Variants in FSTL4 observed in about 807,000 individuals in gnomAD.
FSTL4 encodes the protein follistatin like 4.
In FSTL4, 28 loss-of-function variants were observed where a neutral mutation model predicts 78.2. The ratio of observed to expected loss-of-function variants is 0.36; its 90% confidence interval spans 0.27 to 0.49. The LOEUF is 0.49. Ranked by LOEUF, FSTL4 falls within the 20% of genes least tolerant of loss-of-function variation. FSTL4 has a pLI of 0.98. For missense variants in FSTL4, 922 were observed against 1,084.9 expected (o/e 0.85, Z 2.11); for synonymous variants, 422 against 440.5 (o/e 0.96, Z 0.53).
chr5:133,249,967 C>T (rs1329257998), intron 6 of FSTL4, among the ~76,000 whole-genome samples: 1 of 152,200 alleles, frequency 6.6e-6, no homozygotes, highest in African/African-American at 2.4e-5. Flanking sequence ...CTGGGCCTTG[C>T]TAAGTGCAGA....
At chr5:133,384,261 A>G (rs1162339873) in intron 4 of FSTL4, among the ~76,000 whole-genome samples, 2 of 152,202 alleles carry the variant, frequency 1.3e-5, no homozygotes, top group Admixed American at 1.3e-4. Context: ...ACAGGGTAGG[A>G]GAATCACACT....
intron 2 of FSTL4, among the ~76,000 whole-genome samples, chr5:133,578,098 G>A (rs1288041029): frequency 6.6e-6 from 1 of 152,072 alleles, no homozygotes; most frequent in African/African-American, 2.4e-5. Context: ...TTTAAAGGGA[G>A]GTTTATCAAG....
At chr5:133,389,985 G>T (rs552280376) in intron 4 of FSTL4, among the ~76,000 whole-genome samples, 15 of 152,222 alleles carry the variant, frequency 9.9e-5, no homozygotes, top group African/African-American at 2.9e-4. Context: ...GGAGGCAAAG[G>T]CTCAAAGAGG....
chr5:133,664,318 T>A, the FSTL4 span, among the ~76,000 whole-genome samples: 14 of 127,574 alleles, frequency 1.1e-4, no homozygotes, highest in African/African-American at 3.5e-4. Flanking sequence ...TTCTTTTTTT[T>A]TTAAAAAAAA....
the FSTL4 span, among the ~76,000 whole-genome samples, chr5:133,751,577 G>T: frequency 6.6e-6 from 1 of 152,172 alleles, no homozygotes; most frequent in African/African-American, 2.4e-5. Flanking sequence ...AGATTGCCAT[G>T]GCCAGTCATT....
chr5:133,760,691 T>C, the FSTL4 span, among the ~76,000 whole-genome samples: 1 of 152,234 alleles, frequency 6.6e-6, no homozygotes, highest in Admixed American at 6.5e-5. Context: ...GGCCACGCAG[T>C]TCCGCTGAGG....
At chr5:133,232,175 G>A (rs1055660808) in intron 8 of FSTL4, among the ~76,000 whole-genome samples, 1 of 152,146 alleles carries the variant, frequency 6.6e-6, no homozygotes, top group African/African-American at 2.4e-5. Flanking sequence ...GTCAGTGCTC[G>A]GGCCGCATCT....
the FSTL4 span, among the ~76,000 whole-genome samples, chr5:133,788,467 C>A: frequency 6.6e-6 from 1 of 152,328 alleles, no homozygotes; most frequent in African/African-American, 2.4e-5. Flanking sequence ...TGGCAAGTGC[C>A]GCTCACACCA....
intron 3 of FSTL4, among the ~76,000 whole-genome samples, chr5:133,564,724 A>T (rs565747349): frequency 2.6e-4 from 39 of 152,312 alleles, no homozygotes; most frequent in Middle Eastern, 3.4e-3. Context: ...GGAATAGTCT[A>T]AGGCCAGAGG....
chr5:133,235,027 A>C (rs140969364), intron 7 of FSTL4, among the ~76,000 whole-genome samples: 60 of 152,272 alleles, frequency 3.9e-4, no homozygotes, highest in Non-Finnish European at 4.9e-4. Context: ...TTCTGGTGGC[A>C]GGAGAGAAGG....
intron 3 of FSTL4, among the ~76,000 whole-genome samples, chr5:133,534,123 G>A (rs1759307095): frequency 6.6e-6 from 1 of 151,218 alleles, no homozygotes; most frequent in African/African-American, 2.4e-5. Context: ...CCCATCACCT[G>A]GAAAATAAAC....
At chr5:133,622,458 A>T in the FSTL4 span, among the ~76,000 whole-genome samples, 1 of 152,148 alleles carries the variant, frequency 6.6e-6, no homozygotes, top group Non-Finnish European at 1.5e-5. Context: ...AAAGTGGCCA[A>T]TTTCGAATAA....
intron 14 of FSTL4, among the ~76,000 whole-genome samples, chr5:133,206,326 T>C (rs1428807123): frequency 6.6e-6 from 1 of 152,084 alleles, no homozygotes; most frequent in East Asian, 1.9e-4. Context: ...TCCTCTAGGT[T>C]CTAAAATTTG....
intron 4 of FSTL4, among the ~76,000 whole-genome samples, chr5:133,350,154 A>C (rs1464957780): frequency 1.5e-5 from 2 of 133,194 alleles, no homozygotes; most frequent in Non-Finnish European, 3.2e-5. Flanking sequence ...GATGGACTTT[A>C]TGTTTGTCAG....
the FSTL4 span, among the ~76,000 whole-genome samples, chr5:133,825,688 C>T: frequency 5.9e-5 from 9 of 152,232 alleles, no homozygotes; most frequent in South Asian, 2.1e-4. Context: ...GTTCCCCTGG[C>T]GTCCCATGCT....
At chr5:133,702,978 C>T in the FSTL4 span, among the ~76,000 whole-genome samples, 1 of 152,204 alleles carries the variant, frequency 6.6e-6, no homozygotes, top group East Asian at 1.9e-4. Flanking sequence ...CACAATGCTG[C>T]CCCACCGTGA....
the FSTL4 span, among the ~76,000 whole-genome samples, chr5:133,629,861 T>C: frequency 2.6e-5 from 4 of 152,340 alleles, no homozygotes; most frequent in South Asian, 4.1e-4. Flanking sequence ...TCAATAAATG[T>C]AATCCATCAC....
chr5:133,429,144 G>A (rs1756885307), intron 3 of FSTL4, among the ~76,000 whole-genome samples: 1 of 152,146 alleles, frequency 6.6e-6, no homozygotes, highest in Non-Finnish European at 1.5e-5. Context: ...TGGTTAAACT[G>A]ATTTGCCCCT....
intron 4 of FSTL4, among the ~76,000 whole-genome samples, 171 bp from the exon 5 acceptor site, chr5:133,316,823 C>A (rs1753916912): frequency 6.6e-6 from 1 of 151,980 alleles, no homozygotes; most frequent in Non-Finnish European, 1.5e-5. Context: ...CTCACCAATC[C>A]ATCCCATAAA....
Sources: gnomAD v4.1 joint callset for allele counts (sites outside exome capture counted in the v4.1 genomes callset) on GRCh38, gnomAD v4.1.1 for gene constraint, MANE v1.5 for transcripts, NCBI Gene and HGNC (gene_info 2026-07-23, HGNC 2026-07-21) for gene names.